SFMBT2: variants seen among roughly 807,000 people sequenced by gnomAD.
SFMBT2 encodes scm-like with four MBT domains protein 2.
SFMBT2 carries 38 observed loss-of-function variants against 110.1 expected under a neutral mutation model. The observed-to-expected ratio is 0.35, with a 90% CI of 0.27 to 0.45. The LOEUF is 0.45. SFMBT2 is among the 20% of genes least tolerant of loss of function. The pLI, the probability that SFMBT2 is intolerant of heterozygous loss-of-function variation, is 1.00. For missense variants in SFMBT2, 1,011 were observed against 1,094.9 expected (o/e 0.92, Z 1.08); for synonymous variants, 425 against 425.4 (o/e 1.00, Z 0.01).
Position 7,159,301 on chromosome 10 carries a change from CA to C in SFMBT2, c.*4468del, listed in dbSNP as rs1837489040. 1 of 152,136 alleles carries C rather than the reference CA, an allele frequency of 6.6e-6. No individual in the cohort carries two copies. The highest frequency in any genetic ancestry group is 2.4e-5 in the African/African-American group (1 of 41,420). 9.4% of individuals were successfully genotyped at this position (152,136 alleles called of 1,614,324 possible). On this transcript the variant is annotated 3_prime_UTR_variant, in exon 21 of 21. Coordinates refer to ENST00000397167, the MANE Select transcript of SFMBT2 (RefSeq NM_001387889.1). ...AAAATTCAAGGCAGTACTCTGTCAG[CA>C]ATTACAACTTTTAGGTAAATTACAT...
intron 1 of SFMBT2, among the ~76,000 whole-genome samples, chr10:7,387,538 T>C (rs886496433): frequency 6.6e-6 from 1 of 150,828 alleles, no homozygotes; most frequent in Admixed American, 6.6e-5. Flanking sequence ...TCAACAAGGA[T>C]AGGAAGGCGA....
At chr10:7,364,112 A>G (rs1311169657) in intron 4 of SFMBT2, among the ~76,000 whole-genome samples, 1 of 152,186 alleles carries the variant, frequency 6.6e-6, no homozygotes, top group Non-Finnish European at 1.5e-5. Context: ...CTACAAAGCA[A>G]TAATTATTCT....
At chr10:7,385,979 G>T (rs1250557909) in intron 1 of SFMBT2, among the ~76,000 whole-genome samples, 3 of 152,050 alleles carry the variant, frequency 2.0e-5, no homozygotes, top group Non-Finnish European at 4.4e-5. Context: ...CAGCCTGGGG[G>T]AGAGAGACTC....
chr10:7,313,806 A>G (rs940508831), intron 4 of SFMBT2, among the ~76,000 whole-genome samples: 3 of 152,096 alleles, frequency 2.0e-5, no homozygotes, highest in Non-Finnish European at 4.4e-5. Flanking sequence ...GTTGAGTGAA[A>G]CCAACATGTC....
At chr10:7,228,735 CCTT>C (rs1314128490) in intron 9 of SFMBT2, among the ~76,000 whole-genome samples, 143 of 36,446 alleles carry the variant, frequency 3.9e-3, no homozygotes, top group African/African-American at 8.4e-3. Context: ...TTCTTTCTTT[CCTT>C]TCTCTCTCTC....
At chr10:7,225,565 C>G (rs1000045888) in intron 10 of SFMBT2, among the ~76,000 whole-genome samples, 5 of 152,126 alleles carry the variant, frequency 3.3e-5, no homozygotes, top group African/African-American at 1.2e-4. Flanking sequence ...CAGATTCATC[C>G]AAACAGAGAG....
At chr10:7,164,420 G>A in intron 20 of SFMBT2, 1 of 984,970 alleles carries the variant, frequency 1.0e-6, no homozygotes, top group South Asian at 4.7e-5. Flanking sequence ...AAATACAAGA[G>A]CTTTTGGCTA....
chr10:7,247,944 G>A (rs1380883704), intron 8 of SFMBT2, among the ~76,000 whole-genome samples: 1 of 152,064 alleles, frequency 6.6e-6, no homozygotes, highest in Non-Finnish European at 1.5e-5. Context: ...GAACTCCTGG[G>A]CTCAAGGGAT....
intron 4 of SFMBT2, among the ~76,000 whole-genome samples, chr10:7,335,518 G>A (rs184270731): frequency 1.3e-5 from 2 of 150,600 alleles, no homozygotes; most frequent in East Asian, 2.0e-4. Context: ...CAATTAAAAC[G>A]TCCAATAAAT....
chr10:7,334,251 C>G (rs777008523), intron 4 of SFMBT2, among the ~76,000 whole-genome samples: 1 of 152,156 alleles, frequency 6.6e-6, no homozygotes, highest in Non-Finnish European at 1.5e-5. Context: ...GCTCAGAAAC[C>G]CACCGTGCAG....
At chr10:7,376,716 AGG>A (rs1446397167) in intron 2 of SFMBT2, among the ~76,000 whole-genome samples, 1 of 132,890 alleles carries the variant, frequency 7.5e-6, no homozygotes, top group Non-Finnish European at 1.6e-5. Context: ...AAAAAAAAAA[AGG>A]CCCTCCCACA....
intron 7 of SFMBT2, among the ~76,000 whole-genome samples, chr10:7,268,037 T>C (rs1841450065): frequency 2.0e-5 from 3 of 152,386 alleles, no homozygotes; most frequent in Admixed American, 1.3e-4. Context: ...ACTTGTACAA[T>C]TTAATATTTG....
intron 7 of SFMBT2, chr10:7,249,393 G>T: frequency 2.3e-6 from 1 of 438,920 alleles, no homozygotes; most frequent in Non-Finnish European, 3.0e-6. Context: ...GAGGAGGTTG[G>T]CTGGACTCTG....
At position 7,170,005 on chromosome 10, in the gene SFMBT2, C is replaced by T. The variant is rs1392129014; in HGVS notation, c.2544+923G>A. Among the ~76,000 whole-genome samples the T allele has an allele frequency of 3.3e-5, 5 of 152,268 alleles. No individual in the cohort carries two copies. Among genetic ancestry groups the T allele is most frequent in the East Asian group, 3.9e-4 (2 of 5,182 alleles). ...ACAATGACGAAAGCAGCATTCAGTA[C>T]GACACACCAGCCAGCGGGCTTCTGC... is the stretch of plus-strand genomic sequence containing the variant. On this transcript the variant is annotated intron_variant, in intron 20 of 20. Coordinates refer to ENST00000397167, the MANE Select transcript of SFMBT2 (RefSeq NM_001387889.1). The surrounding 1 kb of genome is among the most constrained non-coding windows in gnomAD (Gnocchi z 4.6).
chr10:7,322,809 C>T (rs1306864700), intron 4 of SFMBT2, among the ~76,000 whole-genome samples: 1 of 152,038 alleles, frequency 6.6e-6, no homozygotes, highest in Non-Finnish European at 1.5e-5. Context: ...CACATCTAGC[C>T]CAAGGCCAAA....
At chr10:7,187,238 A>T (rs1838445137) in intron 16 of SFMBT2, among the ~76,000 whole-genome samples, 1 of 152,186 alleles carries the variant, frequency 6.6e-6, no homozygotes, top group Non-Finnish European at 1.5e-5. Context: ...ACTGTATTGA[A>T]TTTTGCAGAA....
At chr10:7,262,836 C>T (rs561459586) in intron 7 of SFMBT2, among the ~76,000 whole-genome samples, 12 of 152,264 alleles carry the variant, frequency 7.9e-5, no homozygotes, top group East Asian at 5.8e-4. Context: ...TAGATGGCCC[C>T]GCTGGTCCTT....
At chr10:7,223,806 C>T (rs1426624270) in intron 10 of SFMBT2, among the ~76,000 whole-genome samples, 1 of 152,172 alleles carries the variant, frequency 6.6e-6, no homozygotes, top group East Asian at 1.9e-4. Flanking sequence ...AACTTCTGGG[C>T]TTCTCCCCAA....
chr10:7,382,606 C>A (rs546537786), intron 1 of SFMBT2, among the ~76,000 whole-genome samples: 2 of 151,734 alleles, frequency 1.3e-5, no homozygotes, highest in Non-Finnish European at 2.9e-5. Flanking sequence ...GACACTCCCC[C>A]CGCCTTGAAG....
Sources: allele counts gnomAD v4.1 joint callset (sites outside exome capture counted in the v4.1 genomes callset), GRCh38; gene constraint gnomAD v4.1.1; non-coding constraint Gnocchi (gnomAD v3.1); transcripts MANE v1.5; gene names NCBI Gene and HGNC (gene_info 2026-07-23, HGNC 2026-07-21).